GALNS: variants seen among roughly 807,000 people sequenced by gnomAD.
GALNS encodes the protein galactosamine (N-acetyl)-6-sulfatase.
A neutral mutation model predicts 65.9 loss-of-function variants in GALNS; 65 were observed. The ratio of observed to expected loss-of-function variants is 0.99; its 90% confidence interval spans 0.81 to 1.21. The LOEUF is 1.21. GALNS is among the 50% of genes most tolerant of loss of function. The probability of loss-of-function intolerance (pLI) is 0.00; values close to 1 mark genes in which losing one functional copy is unlikely to be tolerated. For synonymous variants in GALNS, 346 were observed against 288.9 expected, an observed-to-expected ratio of 1.20 and a Z score of -2.00; for missense variants, 776 against 700.7, an observed-to-expected ratio of 1.11 and a Z score of -1.21.
At position 88,820,580 on chromosome 16, in the gene GALNS, C is replaced by T. The variant is rs145144157; in HGVS notation, c.1364+2009G>A. Among the ~76,000 whole-genome samples, 1,016 of 152,332 alleles carry T rather than the reference C, an allele frequency of 6.7e-3. 16 individuals are homozygous for T. The highest frequency in any genetic ancestry group is 0.024 in the African/African-American group (977 of 41,570). On this transcript the variant is annotated intron_variant, in intron 12 of 13. Coordinates refer to ENST00000268695, the MANE Select transcript of GALNS (RefSeq NM_000512.5). ...GGCCGACAGCTGGGCCTCCTTGTGA[C>T]CCCCTCTGGGAAGCTCTGCCTGCTG...
At chr16:88,840,623 C>T in intron 4 of GALNS, 1 of 370,136 alleles carries the variant, frequency 2.7e-6, no homozygotes, top group Admixed American at 3.8e-5. Context: ...GGACAGGCAG[C>T]TCCTCCGCCA....
intron 9 of GALNS, among the ~76,000 whole-genome samples, chr16:88,830,493 C>CA (rs1362138135): frequency 2.6e-5 from 4 of 151,764 alleles, no homozygotes; most frequent in Admixed American, 1.3e-4. Flanking sequence ...GAGCCCCCCC[C>CA]ATCCTCGTGG....
intron 1 of GALNS, 95 bp from the exon 2 acceptor site, chr16:88,842,924 C>T (rs1467875563): frequency 2.1e-5 from 33 of 1,553,550 alleles, no homozygotes; most frequent in African/African-American, 5.4e-5. Flanking sequence ...TGTCGGGGAC[C>T]GTGGAAGCCA....
chr16:88,851,472 C>T (rs1967505211), intron 1 of GALNS, among the ~76,000 whole-genome samples: 1 of 152,174 alleles, frequency 6.6e-6, no homozygotes, highest in African/African-American at 2.4e-5. Context: ...TCTGCATTTC[C>T]AACTGAGGTG....
chr16:88,856,202 C>G, intron 1 of GALNS: 1 of 703,056 alleles, frequency 1.4e-6, no homozygotes, highest in Non-Finnish European at 2.6e-6. Flanking sequence ...TTAGGGACAC[C>G]TGACCTTCGC....
At position 88,834,856 on chromosome 16, in the gene GALNS, C is replaced by T. The variant is rs1329944443; in HGVS notation, c.898+357G>A. 2.6e-5 allele frequency among the ~76,000 whole-genome samples: 4 copies of T among 152,108 alleles called. No homozygotes were observed. In the East Asian group the frequency reaches 7.7e-4, roughly 29 times the overall value. On this transcript the variant is annotated intron_variant, in intron 8 of 13. Coordinates refer to ENST00000268695, the MANE Select transcript of GALNS (RefSeq NM_000512.5). ...ACAGGGCTGCTCGGGGTCTGGGGTGCCGGCCCCCACCTCAGCAGGGACACC... is the reference window on the plus strand; with the variant it reads ...ACAGGGCTGCTCGGGGTCTGGGGTGTCGGCCCCCACCTCAGCAGGGACACC...
intron 8 of GALNS, among the ~76,000 whole-genome samples, chr16:88,834,461 C>G (rs186936383): frequency 1.9e-5 from 1 of 52,404 alleles, no homozygotes; most frequent in African/African-American, 9.3e-5. Context: ...GCTGTAGGGC[C>G]CCCCCCGTGT....
chr16:88,851,631 C>T (rs1967513430), intron 1 of GALNS, among the ~76,000 whole-genome samples: 1 of 152,194 alleles, frequency 6.6e-6, no homozygotes, highest in Admixed American at 6.5e-5. Context: ...CAGACTGCAC[C>T]TGGAAAATCA....
chr16:88,855,227 C>T (rs1967743541), intron 1 of GALNS: 1 of 698,176 alleles, frequency 1.4e-6, no homozygotes, highest in Non-Finnish European at 2.6e-6. Flanking sequence ...CCCGCCTCAC[C>T]CCTCTGTCCT....
At chr16:88,814,772 T>C (rs1448231422) in intron 13 of GALNS, among the ~76,000 whole-genome samples, 1 of 152,166 alleles carries the variant, frequency 6.6e-6, no homozygotes, top group East Asian at 1.9e-4. Context: ...GGCTAATTTT[T>C]GTATTTTTAG....
chr16:88,841,663 G>A (rs915422358), intron 3 of GALNS, among the ~76,000 whole-genome samples: 5 of 152,306 alleles, frequency 3.3e-5, no homozygotes, highest in South Asian at 2.1e-4. Context: ...TGGGGGTGCC[G>A]GCTCAGCTCC....
In GALNS at chr16:88,818,037, G is replaced by A; in HGVS notation, c.1452C>T (p.Pro484=). ...QHQEALVPAQ[P]QLNVCNWAVM... is the part of the protein sequence containing the mutation. ...CCGCCCAGTTGCACACGTTGAGCTGGGGCTGCGCGGGGACCAAGGCCTCCT... is the reference window on the plus strand; with the variant it reads ...CCGCCCAGTTGCACACGTTGAGCTGAGGCTGCGCGGGGACCAAGGCCTCCT... The change falls in exon 13 of 14, where the codon CCC becomes CCT. Residue 484 remains proline (P), a synonymous_variant. Transcript: ENST00000268695. 1 of 1,581,804 alleles carries A rather than the reference G, an allele frequency of 6.3e-7. No homozygotes were observed. Among genetic ancestry groups the A allele is most frequent in the Non-Finnish European group, 8.6e-7 (1 of 1,169,142 alleles).
At position 88,842,800 on chromosome 16, in the gene GALNS, T is replaced by G. The variant is rs762651158; in HGVS notation, c.150A>C (p.Gly50=). 1.9e-6 allele frequency: 3 copies of G among 1,613,324 alleles called. No homozygotes were observed. The highest frequency in any genetic ancestry group is 2.2e-5 in the South Asian group (2 of 90,982). ...AATTCGGGGTCTCTCTGGAGGGCTC[T>G]CCATACACCCCGAGGTCACCCCATC... ...DMGWGDLGVY[G]EPSRETPNLD... is the part of the protein sequence containing the mutation. Residue 50 remains glycine (G), a synonymous_variant, in exon 2 of 14, where the codon GGA becomes GGC. Coordinates refer to ENST00000268695, the MANE Select transcript of GALNS (RefSeq NM_000512.5).
At chr16:88,837,318 A>G (rs1912243131) in intron 5 of GALNS, among the ~76,000 whole-genome samples, 1 of 152,320 alleles carries the variant, frequency 6.6e-6, no homozygotes, top group East Asian at 1.9e-4. Context: ...CCACATGGGC[A>G]GTACCCTGAC....
rs541149143 is a variant in GALNS at position 88,839,238 on chromosome 16, G to A, written c.423-1473C>T. Reference sequence around the variant, plus strand: ...CACCGCCCGGCCACAGGGGACACTCGTGCGCCCACGTCCGCAGGTCACCGC... The same window carrying A: ...CACCGCCCGGCCACAGGGGACACTCATGCGCCCACGTCCGCAGGTCACCGC... On this transcript the variant is annotated intron_variant, in intron 4 of 13. Transcript: ENST00000268695. Among the ~76,000 whole-genome samples, 7 of 147,582 alleles carry A rather than the reference G, an allele frequency of 4.7e-5. No individual in the cohort carries two copies. The South Asian group carries it at 6.4e-4, about 14-fold the overall frequency.
intron 1 of GALNS, 42 bp from the exon 2 acceptor site, chr16:88,842,871 CA>C (rs750504364): frequency 1.2e-6 from 2 of 1,608,242 alleles, no homozygotes; most frequent in Non-Finnish European, 1.7e-6. Context: ...GCGCCTTCTG[CA>C]GGTGCTTCTG....
chr16:88,825,055 C>CA (rs1910671745), intron 10 of GALNS, among the ~76,000 whole-genome samples, 186 bp from the exon 11 acceptor site: 3 of 142,852 alleles, frequency 2.1e-5, no homozygotes, highest in Non-Finnish European at 4.6e-5. Flanking sequence ...CCTGGGCGGC[C>CA]GGGGCTGGAG....
Position 88,849,993 on chromosome 16 carries a change from CG to C in GALNS, c.120+6764del, listed in dbSNP as rs562787224. Among the ~76,000 whole-genome samples, 535 of 152,288 alleles carry C rather than the reference CG, an allele frequency of 3.5e-3. 2 individuals carry two copies. Among genetic ancestry groups the C allele is most frequent in the African/African-American group, 0.012 (492 of 41,554 alleles). Reference sequence around the variant, plus strand: ...CAGAAACCTGCAGTGCAGGCTGGGACGGTACAGCTCCCTGAGGCCAGCCTGA... The same window carrying C: ...CAGAAACCTGCAGTGCAGGCTGGGACGTACAGCTCCCTGAGGCCAGCCTGA... On this transcript the variant is annotated intron_variant, in intron 1 of 13. Coordinates refer to ENST00000268695, the MANE Select transcript of GALNS (RefSeq NM_000512.5).
At chr16:88,853,686 C>G (rs1967616526) in intron 1 of GALNS, among the ~76,000 whole-genome samples, 1 of 152,192 alleles carries the variant, frequency 6.6e-6, no homozygotes, top group Non-Finnish European at 1.5e-5. Context: ...CCCAGAAGCC[C>G]TGGAGAGCAG....
Sources: gnomAD v4.1 joint callset for allele counts (sites outside exome capture counted in the v4.1 genomes callset) on GRCh38, gnomAD v4.1.1 for gene constraint, MANE v1.5 for transcripts, NCBI Gene and HGNC (gene_info 2026-07-23, HGNC 2026-07-21) for gene names.